GMDS: variants seen among roughly 807,000 people sequenced by gnomAD.
GMDS encodes the protein GDP-mannose 4,6 dehydratase.
Under a neutral mutation model 49.9 loss-of-function variants are expected in GMDS, and 20 were observed. That is an observed-to-expected ratio of 0.40 (90% CI 0.28 to 0.58). GMDS has a LOEUF of 0.58. Ranked by LOEUF, GMDS falls within the 20% of genes least tolerant of loss-of-function variation. GMDS has a pLI of 0.42. For synonymous variants in GMDS, 177 were observed against 178.6 expected (o/e 0.99, Z 0.07); for missense variants, 362 against 481.4 (o/e 0.75, Z 2.32).
intron 4 of GMDS, among the ~76,000 whole-genome samples, chr6:2,056,555 A>G (rs1258011589): frequency 6.6e-6 from 1 of 152,166 alleles, no homozygotes; most frequent in African/African-American, 2.4e-5. Context: ...TTTCAACACA[A>G]GAGACCATGG....
At chr6:1,963,838 C>G (rs1177459378) in intron 4 of GMDS, among the ~76,000 whole-genome samples, 1 of 152,184 alleles carries the variant, frequency 6.6e-6, no homozygotes, top group Admixed American at 6.5e-5. Flanking sequence ...AGGGCCACAA[C>G]TGTAATTTAT....
intron 4 of GMDS, among the ~76,000 whole-genome samples, chr6:2,011,758 A>G (rs1163236645): frequency 6.6e-6 from 1 of 152,170 alleles, no homozygotes; most frequent in Non-Finnish European, 1.5e-5. Flanking sequence ...CTAGAAAAAA[A>G]TTAAAAATTA....
At chr6:1,692,739 A>G (rs1765218392) in intron 9 of GMDS, among the ~76,000 whole-genome samples, 1 of 152,218 alleles carries the variant, frequency 6.6e-6, no homozygotes, top group Admixed American at 6.5e-5. Context: ...TTTAAGTTCA[A>G]TCTGAGTGTC....
intron 4 of GMDS, among the ~76,000 whole-genome samples, chr6:2,101,517 G>A (rs957195251): frequency 6.6e-6 from 1 of 151,742 alleles, no homozygotes; most frequent in Non-Finnish European, 1.5e-5. Context: ...CCTGATAAGT[G>A]GAATCCCCAG....
chr6:1,740,941 C>A (rs532449694), intron 8 of GMDS, among the ~76,000 whole-genome samples: 1 of 152,084 alleles, frequency 6.6e-6, no homozygotes, highest in Admixed American at 6.5e-5. Context: ...CTCTTGGCCA[C>A]GAATTGTCAA....
chr6:1,948,096 T>C (rs1038602550), intron 6 of GMDS, among the ~76,000 whole-genome samples: 14 of 152,172 alleles, frequency 9.2e-5, no homozygotes, highest in African/African-American at 3.4e-4. Context: ...GTGAACACTA[T>C]GATTACCCCA....
intron 4 of GMDS, among the ~76,000 whole-genome samples, chr6:1,972,460 T>C (rs2127325232): frequency 6.6e-6 from 1 of 152,258 alleles, no homozygotes; most frequent in South Asian, 2.1e-4. Flanking sequence ...AGAGAAAAAC[T>C]CACTGAGATT....
intron 7 of GMDS, among the ~76,000 whole-genome samples, chr6:1,876,043 A>G (rs1033197734): frequency 3.3e-5 from 5 of 151,278 alleles, no homozygotes; most frequent in East Asian, 1.9e-4. Context: ...GAAAAGAAAA[A>G]AAATGTGAGC....
chr6:2,049,152 T>G (rs963030157), intron 4 of GMDS, among the ~76,000 whole-genome samples: 3 of 152,222 alleles, frequency 2.0e-5, no homozygotes, highest in Non-Finnish European at 4.4e-5. Flanking sequence ...CTTCTGTTGT[T>G]GAAGACACCC....
intron 1 of GMDS, among the ~76,000 whole-genome samples, chr6:2,141,276 C>T (rs1412332768): frequency 6.6e-6 from 1 of 152,110 alleles, no homozygotes. Flanking sequence ...TATCAGGCTG[C>T]CACAGGAGAA....
chr6:2,047,372 AC>A (rs1437046115), intron 4 of GMDS, among the ~76,000 whole-genome samples: 1 of 152,220 alleles, frequency 6.6e-6, no homozygotes, highest in Non-Finnish European at 1.5e-5. Context: ...AAGTGTGACT[AC>A]TGGGGTCACT....
intron 9 of GMDS, among the ~76,000 whole-genome samples, chr6:1,666,553 A>G (rs2113266004): frequency 6.6e-6 from 1 of 152,342 alleles, no homozygotes; most frequent in African/African-American, 2.4e-5. Context: ...GGTGAAGTTG[A>G]GAAGACTATA....
At chr6:2,063,610 C>A (rs1392784842) in intron 4 of GMDS, among the ~76,000 whole-genome samples, 1 of 152,160 alleles carries the variant, frequency 6.6e-6, no homozygotes, top group Non-Finnish European at 1.5e-5. Context: ...CAGTTAAAAC[C>A]TTTATGAGGC....
At chr6:2,158,426 C>T (rs1777217187) in intron 1 of GMDS, among the ~76,000 whole-genome samples, 1 of 152,134 alleles carries the variant, frequency 6.6e-6, no homozygotes, top group South Asian at 2.1e-4. Flanking sequence ...TATGTGACAA[C>T]TGGTTTTTCT....
At chr6:2,132,385 T>C (rs1042314393) in intron 1 of GMDS, among the ~76,000 whole-genome samples, 5 of 152,160 alleles carry the variant, frequency 3.3e-5, no homozygotes, top group African/African-American at 1.2e-4. Context: ...ATAAGAAATT[T>C]AGTCCCTGCC....
intron 4 of GMDS, among the ~76,000 whole-genome samples, chr6:2,060,280 G>C (rs964020143): frequency 1.3e-5 from 2 of 152,152 alleles, no homozygotes; most frequent in African/African-American, 4.8e-5. Context: ...TTTGACTCCA[G>C]AAGAGGCCTC....
intron 7 of GMDS, among the ~76,000 whole-genome samples, chr6:1,863,614 G>A (rs1166252219): frequency 2.6e-5 from 4 of 152,016 alleles, no homozygotes; most frequent in African/African-American, 7.2e-5. Flanking sequence ...ATTCTGACAC[G>A]TCCCACAAGC....
At chr6:2,245,600 AGGGAGGGCCGGGGGCGGGCCGAGC>A (rs1781836354) in exon 1 of GMDS, 1 of 373,510 alleles carries the variant, frequency 2.7e-6, no homozygotes, top group Non-Finnish European at 4.7e-6. Flanking sequence ...GAGGCCGTGC[AGGGAGGGCCGGGGGCGGGCCGAGC>A]CGGCCAAGGC....
intron 6 of GMDS, among the ~76,000 whole-genome samples, chr6:1,938,358 CT>C (rs1762649725): frequency 6.6e-6 from 1 of 152,152 alleles, no homozygotes; most frequent in Non-Finnish European, 1.5e-5. Context: ...CATAAATTCC[CT>C]TCTTAAAATG....
Sources: gnomAD v4.1 joint callset for allele counts (sites outside exome capture counted in the v4.1 genomes callset) on GRCh38, gnomAD v4.1.1 for gene constraint, MANE v1.5 for transcripts, NCBI Gene and HGNC (gene_info 2026-07-23, HGNC 2026-07-21) for gene names.